Variants in UGT1A10 observed in about 807,000 individuals in gnomAD.
The protein encoded by UGT1A10 is UDP-glucuronosyltransferase 1A10.
A neutral mutation model predicts 45.8 loss-of-function variants in UGT1A10; 49 were observed. That is an observed-to-expected ratio of 1.07 (90% CI 0.85 to 1.36). The LOEUF (loss-of-function observed/expected upper bound fraction) is 1.36, where lower values mean the gene tolerates loss of function less well. UGT1A10 is among the 40% of genes most tolerant of loss of function. The probability of loss-of-function intolerance (pLI) is 0.00; values close to 1 mark genes in which losing one functional copy is unlikely to be tolerated. For synonymous variants in UGT1A10, 284 were observed against 249.7 expected (o/e 1.14, Z -1.29); for missense variants, 745 against 668.6 (o/e 1.11, Z -1.26).
chr2:233,754,673 A>G, intron 1 of UGT1A10: 2 of 470,398 alleles, frequency 4.3e-6, no homozygotes, highest in Non-Finnish European at 8.4e-6. Flanking sequence ...TGATTTTTTT[A>G]CCATCAACTA....
At chr2:233,753,194 GC>G (rs1375850984) in intron 1 of UGT1A10, 1 of 152,080 alleles carries the variant, frequency 6.6e-6, no homozygotes, top group Admixed American at 6.5e-5. Flanking sequence ...TTTTTCAAAA[GC>G]CCTGACAGTC....
chr2:233,695,907 T>C (rs1160810678), intron 1 of UGT1A10, among the ~76,000 whole-genome samples: 6 of 152,140 alleles, frequency 3.9e-5, no homozygotes, highest in African/African-American at 1.4e-4. Flanking sequence ...GTGGGGTTTT[T>C]TTTCTCCACA....
At chr2:233,716,482 AG>A (rs1254204118) in intron 1 of UGT1A10, among the ~76,000 whole-genome samples, 1 of 152,104 alleles carries the variant, frequency 6.6e-6, no homozygotes, top group East Asian at 1.9e-4. Flanking sequence ...TGTCCTCCGT[AG>A]TCTTCTATTC....
chr2:233,640,769 T>C (rs2073430100), intron 1 of UGT1A10, among the ~76,000 whole-genome samples: 1 of 152,118 alleles, frequency 6.6e-6, no homozygotes, highest in Non-Finnish European at 1.5e-5. Flanking sequence ...TAGGGCCAAC[T>C]CTATACCCTT....
chr2:233,756,289 G>GTATT (rs914898578), intron 1 of UGT1A10: 1 of 152,128 alleles, frequency 6.6e-6, no homozygotes, highest in African/African-American at 2.4e-5. Context: ...AAATGACACA[G>GTATT]TATTTGTATA....
At chr2:233,758,762 G>A (rs1375846813) in intron 1 of UGT1A10, among the ~76,000 whole-genome samples, 1 of 152,150 alleles carries the variant, frequency 6.6e-6, no homozygotes, top group Non-Finnish European at 1.5e-5. Flanking sequence ...TGATGTGTAT[G>A]GTTCAAATGT....
chr2:233,753,997 G>A (rs1199006264), intron 1 of UGT1A10, among the ~76,000 whole-genome samples: 1 of 152,188 alleles, frequency 6.6e-6, no homozygotes, highest in East Asian at 1.9e-4. Flanking sequence ...CCAAGTTTGG[G>A]TAATTTGTTA....
chr2:233,661,623 T>TTTTTTTTCTTTCTTTC (rs2073965131), intron 1 of UGT1A10, among the ~76,000 whole-genome samples: 1 of 123,952 alleles, frequency 8.1e-6, no homozygotes, highest in Non-Finnish European at 1.7e-5. Context: ...ACTTACTGAA[T>TTTTTTTTCTTTCTTTC]TTTCTTTCTT....
chr2:233,668,507 A>T (rs1413217955), intron 1 of UGT1A10, among the ~76,000 whole-genome samples: 3 of 152,222 alleles, frequency 2.0e-5, no homozygotes. Context: ...ATAGTGCCCC[A>T]ATAAACATAC....
intron 1 of UGT1A10, among the ~76,000 whole-genome samples, chr2:233,699,953 G>A (rs1257269437): frequency 1.3e-5 from 2 of 152,194 alleles, no homozygotes; most frequent in Admixed American, 6.5e-5. Flanking sequence ...TACAATGTGT[G>A]AAAAATACCC....
chr2:233,747,214 A>G, intron 1 of UGT1A10: 1 of 1,605,450 alleles, frequency 6.2e-7, no homozygotes, highest in South Asian at 1.1e-5. Flanking sequence ...TTCTGCTGAG[A>G]TGGCCACAGG....
chr2:233,728,547 T>G (rs547390241), intron 1 of UGT1A10, among the ~76,000 whole-genome samples: 2 of 152,326 alleles, frequency 1.3e-5, no homozygotes, highest in African/African-American at 4.8e-5. Flanking sequence ...GAGTCCTCTC[T>G]GATCCTTACA....
intron 1 of UGT1A10, among the ~76,000 whole-genome samples, chr2:233,657,721 T>C (rs546072177): frequency 6.6e-6 from 1 of 152,336 alleles, no homozygotes; most frequent in African/African-American, 2.4e-5. Context: ...GTAAATTAAA[T>C]TGCAATTTTA....
rs111385892 is a variant in UGT1A10, at chr2:233,757,128, A to T, written c.856-9906A>T. Among the ~76,000 whole-genome samples the T allele has an allele frequency of 1.2e-3, 185 of 151,286 alleles. 2 individuals carry two copies. The highest frequency in any genetic ancestry group is 4.0e-3 in the African/African-American group (165 of 41,200). On this transcript the variant is annotated intron_variant, in intron 1 of 4. Transcript: ENST00000344644. Reference sequence around the variant, plus strand: ...CAAGCAGAAGGGCTAGAGAGGAGGAATGAGCTTGGACAGGTGGGCTGGGGT... The same window carrying T: ...CAAGCAGAAGGGCTAGAGAGGAGGATTGAGCTTGGACAGGTGGGCTGGGGT...
chr2:233,708,213 A>G (rs1473084405), intron 1 of UGT1A10, among the ~76,000 whole-genome samples: 1 of 152,212 alleles, frequency 6.6e-6, no homozygotes, highest in Non-Finnish European at 1.5e-5. Context: ...AGGCATTAAC[A>G]ATTTATTCTT....
chr2:233,638,098 G>A (rs2073350042), intron 1 of UGT1A10, among the ~76,000 whole-genome samples: 1 of 152,102 alleles, frequency 6.6e-6, no homozygotes, highest in South Asian at 2.1e-4. Flanking sequence ...AGTCCTACAC[G>A]TAGGGTTACA....
intron 1 of UGT1A10, among the ~76,000 whole-genome samples, chr2:233,678,137 A>T (rs189489255): frequency 2.5e-4 from 38 of 152,316 alleles, no homozygotes; most frequent in Admixed American, 9.1e-4. Flanking sequence ...GGGCATAAAG[A>T]TGGCAACAAT....
At chr2:233,742,781 C>A (rs550270409) in intron 1 of UGT1A10, 1 of 153,010 alleles carries the variant, frequency 6.5e-6, no homozygotes, top group African/African-American at 2.4e-5. Context: ...TTGTTTTGAA[C>A]CATCATTAAA....
chr2:233,743,711 C>T (rs765415857), intron 1 of UGT1A10: 10 of 1,367,266 alleles, frequency 7.3e-6, no homozygotes, highest in Non-Finnish European at 9.8e-6. Context: ...CCCCGCCTCG[C>T]CATAGCGGTC....
Sources: gnomAD v4.1 joint callset for allele counts (sites outside exome capture counted in the v4.1 genomes callset) on GRCh38, gnomAD v4.1.1 for gene constraint, MANE v1.5 for transcripts, NCBI Gene and HGNC (gene_info 2026-07-23, HGNC 2026-07-21) for gene names.